Variants in NAT10 observed in about 807,000 individuals in gnomAD.
NAT10 encodes N-acetyltransferase 10.
A neutral mutation model predicts 132.2 loss-of-function variants in NAT10; 109 were observed. The ratio of observed to expected loss-of-function variants is 0.82; its 90% confidence interval spans 0.71 to 0.97. The LOEUF is 0.97. Among genes scored for constraint, NAT10 ranks in the 50% least tolerant of loss-of-function variants. The pLI is 0.00. For synonymous variants in NAT10, 479 were observed against 478.0 expected (o/e 1.00, Z -0.03); for missense variants, 1,184 against 1,263.4 (o/e 0.94, Z 0.95).
intron 25 of NAT10, among the ~76,000 whole-genome samples, chr11:34,141,465 T>TA (rs1370087992): frequency 6.8e-6 from 1 of 147,720 alleles, no homozygotes; most frequent in African/African-American, 2.5e-5. Flanking sequence ...CGCGCGCAAA[T>TA]ACAGGACTTC....
At chr11:34,145,954 CCAATTGGGTGGCCTACAT>C in intron 28 of NAT10, 112 bp from the exon 29 acceptor site, 1 of 629,962 alleles carries the variant, frequency 1.6e-6, no homozygotes, top group East Asian at 2.8e-5. Flanking sequence ...ACATTAATGT[CCAATTGGGTGGCCTACAT>C]CAAGTTTCAG....
chr11:34,133,138 T>G lies in NAT10; in HGVS notation c.1730T>G (p.Ile577Ser). The change falls in exon 16 of 29, where the codon ATC becomes AGC. Residue 577 changes from isoleucine to serine, a missense_variant. By Grantham distance (142) the Ile-to-Ser change is moderately radical. Transcript: ENST00000257829. ...GCCCTTCCAGAAGTGCTTGCTGTTA[T>G]CCAGGTATAGGAGCAGAGGCGTCCT... ...QNALPEVLAV[I>S]QVCLEGEISR... 6.2e-7 allele frequency: 1 copy of G among 1,611,008 alleles called. No individual in the cohort carries two copies. Among genetic ancestry groups the G allele is most frequent in the Non-Finnish European group, 8.5e-7 (1 of 1,177,112 alleles).
chr11:34,141,691 C>G, intron 25 of NAT10, 28 bp from the exon 26 acceptor site: 1 of 1,606,968 alleles, frequency 6.2e-7, no homozygotes, highest in Non-Finnish European at 8.5e-7. Flanking sequence ...CCTTCATCTT[C>G]TGCTTCTCTG....
chr11:34,118,111 A>G, intron 6 of NAT10, 69 bp from the exon 7 acceptor site: 1 of 1,309,076 alleles, frequency 7.6e-7, no homozygotes, highest in Non-Finnish European at 1.1e-6. Context: ...TTTTTTGAAG[A>G]AAAGTTATAC....
rs757127797 is a variant in NAT10, at chr11:34,143,575, G to A, written c.2969+47G>A. On this transcript the variant is annotated intron_variant, in intron 28 of 28. Coordinates refer to ENST00000257829, the MANE Select transcript of NAT10 (RefSeq NM_024662.3). ...TGCATCTGGCGGAAGAGGCATTCTG[G>A]CCTCTCTGCTTCTCTTTAACTTTGA... 35 of 1,539,556 alleles carry A rather than the reference G, an allele frequency of 2.3e-5. No homozygotes were observed. In the Admixed American group the frequency reaches 6.1e-4, roughly 27 times the overall value.
At position 34,115,814 on chromosome 11, in the gene NAT10, C is replaced by T. The variant is rs774314907; in HGVS notation, c.496-9C>T. 1 of 1,613,694 alleles carries T rather than the reference C, an allele frequency of 6.2e-7. No homozygotes were observed. Among genetic ancestry groups the T allele is most frequent in the Admixed American group, 1.7e-5 (1 of 59,940 alleles). ...GCCTTTGTTAATGGATGTTGTCTTT[C>T]TTTGTTAGGATGTGCATTCCAGGTA... On this transcript the variant is annotated splice_polypyrimidine_tract_variant and intron_variant, in intron 5 of 28. Transcript: ENST00000257829.
rs774493344 is a variant in NAT10, at chr11:34,136,668, C to T, written c.2055C>T (p.Ile685=). 1.2e-6 allele frequency: 2 copies of T among 1,614,178 alleles called. No homozygotes were observed. The highest frequency in any genetic ancestry group is 3.3e-5 in the Admixed American group (2 of 60,028). ...SEAVSLLEEV[I]TPRKDLPPLL... is the part of the protein sequence containing the mutation. ...CTGTCAGCTTGTTGGAAGAGGTCAT[C>T]ACTCCCCGGAAGGACCTGCCTCCTT... The change falls in exon 20 of 29, where the codon ATC becomes ATT. Residue 685 remains isoleucine (I), a synonymous_variant. Transcript: ENST00000257829.
intron 19 of NAT10, among the ~76,000 whole-genome samples, chr11:34,135,921 C>T (rs190361119): frequency 3.3e-5 from 5 of 152,008 alleles, no homozygotes; most frequent in African/African-American, 1.2e-4. Context: ...GTGATCTCGC[C>T]ACTGGACTCT....
intron 8 of NAT10, among the ~76,000 whole-genome samples, chr11:34,122,009 C>T (rs1161073656): frequency 6.6e-6 from 1 of 151,852 alleles, no homozygotes; most frequent in Non-Finnish European, 1.5e-5. Context: ...AACCCTGTCT[C>T]TACTAAAAAT....
intron 9 of NAT10, 87 bp downstream of exon 9, chr11:34,122,679 C>T (rs765747107): frequency 4.8e-5 from 73 of 1,533,418 alleles, no homozygotes; most frequent in Non-Finnish European, 5.5e-5. Context: ...TGGTATCTCA[C>T]GTTCCTAGTT....
In NAT10 at chr11:34,108,264, C is replaced by G. The variant is rs747036176; in HGVS notation, c.39C>G (p.Leu13=). The G allele has an allele frequency of 3.1e-6, 5 of 1,614,190 alleles. No homozygotes were observed. Among genetic ancestry groups the G allele is most frequent in the Non-Finnish European group, 4.2e-6 (5 of 1,180,032 alleles). ...RKKVDNRIRI[L]IENGVAERQR... is the part of the protein sequence containing the mutation. The stretch of plus-strand genomic sequence containing the variant: ...AGGTGGATAACCGAATCCGGATTCT[C>G]ATTGAGAATGGAGTAGCTGAGCGGC... The change falls in exon 2 of 29, where the codon CTC becomes CTG. Residue 13 remains leucine, a synonymous_variant. Transcript: ENST00000257829.
intron 28 of NAT10, among the ~76,000 whole-genome samples, chr11:34,144,490 A>C (rs548251722): frequency 6.6e-6 from 1 of 152,230 alleles, no homozygotes; most frequent in South Asian, 2.1e-4. Context: ...CTTCACTGAC[A>C]CTATTTTGCT....
intron 28 of NAT10, among the ~76,000 whole-genome samples, chr11:34,145,231 G>T (rs555313176): frequency 5.9e-5 from 9 of 152,336 alleles, no homozygotes; most frequent in African/African-American, 2.2e-4. Context: ...GTAGTGAGAA[G>T]CCTCTCGAGC....
intron 18 of NAT10, 42 bp from the exon 19 acceptor site, chr11:34,135,133 G>T: frequency 6.6e-7 from 1 of 1,518,132 alleles, no homozygotes; most frequent in Admixed American, 1.7e-5. Flanking sequence ...ACTGAGAGCA[G>T]CTCTCTTCCC....
intron 3 of NAT10, among the ~76,000 whole-genome samples, chr11:34,110,740 T>G (rs1851681041): frequency 6.6e-6 from 1 of 152,064 alleles, no homozygotes; most frequent in African/African-American, 2.4e-5. Context: ...TAATTTAAAT[T>G]AGTACCAGAG....
intron 16 of NAT10, 62 bp from the exon 17 acceptor site, chr11:34,134,257 C>A: frequency 1.4e-6 from 2 of 1,405,746 alleles, no homozygotes; most frequent in Non-Finnish European, 2.0e-6. Flanking sequence ...AAGCTATATT[C>A]TGTGAGTGGG....
chr11:34,146,252 C>G lies in NAT10; in HGVS notation c.*60C>G, dbSNP rs186384120. 5 of 1,288,934 alleles carry G rather than the reference C, an allele frequency of 3.9e-6. No homozygotes were observed. The highest frequency in any genetic ancestry group is 4.8e-5 in the Admixed American group (2 of 41,632). The allele number at this position is 1,288,934 out of a possible 1,614,324, so 79.8% of individuals were successfully genotyped here. A position where few individuals can be genotyped will look rare whatever the true frequency, so the allele number is the denominator to read the frequency against. ...GGAAGATACTCTCACTAACTGAACC[C>G]TCTCTGGCTGGACTGTTAAAAGCAA... On this transcript the variant is annotated 3_prime_UTR_variant, in exon 29 of 29. Coordinates refer to ENST00000257829, the MANE Select transcript of NAT10 (RefSeq NM_024662.3).
chr11:34,141,991 C>G, intron 26 of NAT10, 174 bp downstream of exon 26: 6 of 640,826 alleles, frequency 9.4e-6, no homozygotes, highest in Non-Finnish European at 1.6e-5. Flanking sequence ...TGAGCACACA[C>G]AGGCCTAGAG....
chr11:34,121,950 C>T (rs190123218), intron 8 of NAT10, among the ~76,000 whole-genome samples: 3,768 of 148,306 alleles, frequency 0.025, 95 homozygotes, highest in Middle Eastern at 0.076. Flanking sequence ...CTGAGGCAGG[C>T]GGATCGCCTG....
Sources: gnomAD v4.1 joint callset for allele counts (sites outside exome capture counted in the v4.1 genomes callset) on GRCh38, gnomAD v4.1.1 for gene constraint, MANE v1.5 for transcripts, NCBI Gene and HGNC (gene_info 2026-07-23, HGNC 2026-07-21) for gene names.